XCR1: variants seen among roughly 807,000 people sequenced by gnomAD.
XCR1 encodes chemokine XC receptor 1.
For synonymous variants in XCR1, 187 were observed against 188.5 expected (o/e 0.99, Z 0.06); for missense variants, 356 against 424.2 (o/e 0.84, Z 1.41).
At chr3:46,041,583 C>T (rs1697537206) in intron 5 of XCR1, among the ~76,000 whole-genome samples, 1 of 152,132 alleles carries the variant, frequency 6.6e-6, no homozygotes, top group Admixed American at 6.5e-5. Flanking sequence ...ACCAGATTCC[C>T]CATGATTGAG....
intron 5 of XCR1, among the ~76,000 whole-genome samples, chr3:46,047,211 G>A (rs1284917846): frequency 6.6e-6 from 1 of 152,146 alleles, no homozygotes. Flanking sequence ...TGTGACCAAG[G>A]AAACAATAGC....
intron 5 of XCR1, among the ~76,000 whole-genome samples, chr3:46,034,437 C>A (rs534633761): frequency 4.1e-5 from 6 of 146,614 alleles, no homozygotes; most frequent in Non-Finnish European, 7.6e-5. Context: ...AATCTTTATA[C>A]CTTTTATTTC....
At chr3:46,067,375 G>C (rs1421936270) in intron 3 of XCR1, among the ~76,000 whole-genome samples, 1 of 152,144 alleles carries the variant, frequency 6.6e-6, no homozygotes, top group African/African-American at 2.4e-5. Context: ...GCCATCAGGG[G>C]GTTCAGTGTG....
intron 4 of XCR1, among the ~76,000 whole-genome samples, chr3:46,065,653 G>A (rs993205461): frequency 2.6e-5 from 4 of 152,156 alleles, no homozygotes; most frequent in African/African-American, 9.7e-5. Context: ...GCAGGTGGTG[G>A]CCCCGGGCTA....
chr3:46,037,333 G>C (rs919202626), intron 5 of XCR1, among the ~76,000 whole-genome samples: 2 of 152,080 alleles, frequency 1.3e-5, no homozygotes, highest in Admixed American at 6.6e-5. Flanking sequence ...AAATAGGGGA[G>C]AGAGATATGA....
intron 5 of XCR1, among the ~76,000 whole-genome samples, chr3:46,034,627 T>G (rs1001137561): frequency 6.6e-6 from 1 of 152,168 alleles, no homozygotes; most frequent in Non-Finnish European, 1.5e-5. Flanking sequence ...TGTACAAGTA[T>G]AGTTTTGTTA....
intron 1 of XCR1, among the ~76,000 whole-genome samples, chr3:46,083,875 G>A (rs150916565): frequency 3.3e-5 from 5 of 152,292 alleles, no homozygotes; most frequent in African/African-American, 9.6e-5. Flanking sequence ...GAAAAACTGA[G>A]ATTTAATTTT....
At chr3:46,029,117 A>G (rs1363085924), upstream of XCR1, among the ~76,000 whole-genome samples, 1 of 152,206 alleles carries the variant, frequency 6.6e-6, no homozygotes, top group Non-Finnish European at 1.5e-5. Context: ...CAAATCCTCC[A>G]ACTTTGTTCT....
chr3:46,040,956 T>G (rs1165322207), intron 5 of XCR1, among the ~76,000 whole-genome samples: 1 of 152,198 alleles, frequency 6.6e-6, no homozygotes, highest in East Asian at 1.9e-4. Flanking sequence ...GACTAAAATA[T>G]TTTTTATGGC....
intron 5 of XCR1, among the ~76,000 whole-genome samples, chr3:46,043,717 TACACACACACACACACACACAC>T (rs144432920): frequency 5.7e-5 from 8 of 141,578 alleles, no homozygotes; most frequent in African/African-American, 1.5e-4. Context: ...ACCTCATCTC[TACACACACACACACACACACAC>T]ACACACACAC....
At chr3:46,067,475 G>A (rs1342411789) in intron 3 of XCR1, among the ~76,000 whole-genome samples, 1 of 152,150 alleles carries the variant, frequency 6.6e-6, no homozygotes, top group Non-Finnish European at 1.5e-5. Flanking sequence ...GATGAGTTGG[G>A]CTAAATTGGG....
rs371356032 is a variant in XCR1, at chr3:46,053,922, T to G, written c.-34A>C. Among the ~76,000 whole-genome samples, 85 of 149,608 alleles carry G rather than the reference T, an allele frequency of 5.7e-4. 1 individual carries two copies. The South Asian group carries it at 0.016, about 28-fold the overall frequency. The stretch of plus-strand genomic sequence containing the variant: ...CAGTAGCTCTTTAGGGCACTGACCA[T>G]AATTATATCCGCTGCTGGCAGACTC... On this transcript the variant is annotated splice_region_variant and 5_prime_UTR_variant, in exon 5 of 6. Coordinates refer to the XCR1 transcript ENST00000683768.
chr3:46,068,601 G>A (rs1698115270), intron 3 of XCR1, among the ~76,000 whole-genome samples: 2 of 152,138 alleles, frequency 1.3e-5, no homozygotes, highest in Admixed American at 6.5e-5. Context: ...TGATATTTCC[G>A]CTGGAGGTTT....
intron 5 of XCR1, among the ~76,000 whole-genome samples, chr3:46,037,551 T>C (rs1205970677): frequency 1.3e-5 from 2 of 152,202 alleles, no homozygotes; most frequent in African/African-American, 4.8e-5. Context: ...AAAAGTATCA[T>C]AGATGGTCTA....
chr3:46,073,666 G>A (rs933854714), intron 3 of XCR1, among the ~76,000 whole-genome samples: 2 of 151,930 alleles, frequency 1.3e-5, no homozygotes, highest in Non-Finnish European at 2.9e-5. Context: ...AAATATTTGC[G>A]ACTTATGCAT....
At chr3:46,065,276 A>G (rs1050348209) in intron 4 of XCR1, among the ~76,000 whole-genome samples, 2 of 152,180 alleles carry the variant, frequency 1.3e-5, no homozygotes, top group Non-Finnish European at 2.9e-5. Context: ...GAAAATCCCC[A>G]ACCTGCTTTT....
At chr3:46,046,453 A>T (rs9811555) in intron 5 of XCR1, among the ~76,000 whole-genome samples, 123,830 of 152,250 alleles carry the variant, frequency 0.81, 50,821 homozygotes, top group East Asian at 0.99. Context: ...TCAGCAAACC[A>T]TCTGGCAGTG....
chr3:46,039,674 A>G (rs979620450), intron 5 of XCR1, among the ~76,000 whole-genome samples: 16 of 152,220 alleles, frequency 1.1e-4, no homozygotes, highest in Non-Finnish European at 2.2e-4. Flanking sequence ...AGAAGGTGAC[A>G]ATCAAAATGA....
chr3:46,022,026 C>T (rs1708167346), intron 1 of XCR1, 48 bp from the exon 2 acceptor site: 1 of 1,480,940 alleles, frequency 6.8e-7, no homozygotes, highest in Non-Finnish European at 9.1e-7. Context: ...TGGCTGGGTA[C>T]AGTGGCTAAC....
Sources: gnomAD v4.1 joint callset for allele counts (sites outside exome capture counted in the v4.1 genomes callset) on GRCh38, gnomAD v4.1.1 for gene constraint, MANE v1.5 for transcripts, NCBI Gene and HGNC (gene_info 2026-07-23, HGNC 2026-07-21) for gene names.